Variants in USP10 observed in about 807,000 individuals in gnomAD.
The protein encoded by USP10 is ubiquitin specific peptidase 10.
In USP10, 22 loss-of-function variants were observed where a neutral mutation model predicts 84.5. The observed-to-expected ratio is 0.26, with a 90% confidence interval of 0.19 to 0.37. USP10 has a LOEUF of 0.37. USP10 is among the 10% of genes least tolerant of loss of function. USP10 has a pLI of 1.00. For synonymous variants in USP10, 454 were observed against 387.6 expected (o/e 1.17, Z -2.01); for missense variants, 1,019 against 998.9 (o/e 1.02, Z -0.27).
At chr16:84,727,317 A>G (rs1366420532) in intron 1 of USP10, among the ~76,000 whole-genome samples, 1 of 152,160 alleles carries the variant, frequency 6.6e-6, no homozygotes, top group Non-Finnish European at 1.5e-5. Flanking sequence ...ATTTTACCCA[A>G]ACACCTACAA....
chr16:84,779,720 T>C lies in USP10; in HGVS notation c.*638T>C, dbSNP rs1915371202. On this transcript the variant is annotated 3_prime_UTR_variant, in exon 14 of 14. Coordinates refer to ENST00000219473, the MANE Select transcript of USP10 (RefSeq NM_005153.3). ...ATGGGTGATTGTAACTTTATTGCCA[T>C]TAAAAGATTTCAAATTGCATTCATG... is the stretch of plus-strand genomic sequence containing the variant. 4 of 152,704 alleles carry C rather than the reference T, an allele frequency of 2.6e-5. No individual in the cohort carries two copies. The highest frequency in any genetic ancestry group is 2.6e-4 in the Admixed American group (4 of 15,286). The allele number at this position is 152,704 out of a possible 1,614,324, so 9.5% of individuals were successfully genotyped here.
intron 1 of USP10, among the ~76,000 whole-genome samples, chr16:84,724,942 T>C (rs1489122525): frequency 6.6e-6 from 1 of 152,228 alleles, no homozygotes; most frequent in Non-Finnish European, 1.5e-5. Flanking sequence ...CTAGCACCCA[T>C]AACTTACTGG....
chr16:84,724,862 G>A (rs1046269555), intron 1 of USP10, among the ~76,000 whole-genome samples: 2 of 152,180 alleles, frequency 1.3e-5, no homozygotes, highest in Non-Finnish European at 2.9e-5. Flanking sequence ...GTCATCTCCA[G>A]ATGTCCTCAG....
In USP10 at chr16:84,745,181, A is replaced by G; in HGVS notation, c.700A>G (p.Ser234Gly). 1.2e-6 allele frequency: 2 copies of G among 1,613,368 alleles called. No individual in the cohort carries two copies. The highest frequency in any genetic ancestry group is 1.7e-6 in the Non-Finnish European group (2 of 1,179,646). ...CAGTCCTTTCCCCGGAGCACTCGGC[A>G]GTGACACCAGGACTGCAGGGCAGCC... ...PDSPFPGALG[S>G]DTRTAGQPEG... The change falls in exon 4 of 14, where the codon AGT becomes GGT. Residue 234 changes from serine to glycine, a missense_variant. This residue lies in a region of USP10 where 787 missense variants were observed against 708.8 expected (regional missense o/e 1.11). Coordinates refer to ENST00000219473, the MANE Select transcript of USP10 (RefSeq NM_005153.3).
intron 4 of USP10, among the ~76,000 whole-genome samples, chr16:84,753,830 A>T (rs1026373995): frequency 6.6e-6 from 1 of 152,262 alleles, no homozygotes; most frequent in Non-Finnish European, 1.5e-5. Context: ...ACTGTATGCC[A>T]TGCACTGTCT....
chr16:84,732,154 T>G (rs1253541424), intron 1 of USP10, among the ~76,000 whole-genome samples: 3 of 152,222 alleles, frequency 2.0e-5, no homozygotes, highest in African/African-American at 7.2e-5. Flanking sequence ...AGGAGGGTAT[T>G]ACATTTAGTG....
At position 84,700,056 on chromosome 16, in the gene USP10, C is replaced by A; in HGVS notation, c.-35C>A. The A allele has an allele frequency of 7.3e-7, 1 of 1,364,696 alleles. No individual in the cohort carries two copies. The highest frequency in any genetic ancestry group is 9.6e-7 in the Non-Finnish European group (1 of 1,037,782). The allele number at this position is 1,364,696 out of a possible 1,614,324, so 84.5% of individuals were successfully genotyped here. On this transcript the variant is annotated 5_prime_UTR_variant, in exon 1 of 14. Transcript: ENST00000219473. ...CGGCGGGGGAAGCAGCGTGAGCAGC[C>A]GGAGGATCGCGGAGTCCCAATGAAA... is the stretch of plus-strand genomic sequence containing the variant.
intron 2 of USP10, among the ~76,000 whole-genome samples, chr16:84,736,660 G>T (rs375464582): frequency 7.9e-5 from 12 of 152,344 alleles, no homozygotes; most frequent in African/African-American, 2.9e-4. Context: ...AGCTTTGGAA[G>T]TAGCACACAT....
Position 84,758,780 on chromosome 16 carries a change from T to C in USP10, c.1257T>C (p.Asn419=). The C allele has an allele frequency of 6.2e-7, 1 of 1,613,766 alleles. No individual in the cohort carries two copies. Among genetic ancestry groups the C allele is most frequent in the Non-Finnish European group, 8.5e-7 (1 of 1,179,632 alleles). ...PVSLQPRGLI[N]KGNWCYINAT... ...CGTTGCAACCCCGTGGGCTGATCAA[T>C]AAAGGGAACTGGTGCTACATTAATG... Residue 419 remains asparagine, a synonymous_variant, in exon 5 of 14, where the codon AAT becomes AAC. Coordinates refer to ENST00000219473, the MANE Select transcript of USP10 (RefSeq NM_005153.3).
intron 13 of USP10, among the ~76,000 whole-genome samples, chr16:84,775,672 G>A (rs1173357175): frequency 6.6e-6 from 1 of 152,108 alleles, no homozygotes; most frequent in Non-Finnish European, 1.5e-5. Context: ...TGAGAGGGTG[G>A]GCCCGATTAC....
At chr16:84,725,634 C>T (rs1042296763) in intron 1 of USP10, among the ~76,000 whole-genome samples, 1 of 152,060 alleles carries the variant, frequency 6.6e-6, no homozygotes, top group African/African-American at 2.4e-5. Flanking sequence ...TGACTCCTGA[C>T]CTCAGGTGAT....
At chr16:84,740,901 A>G (rs545284313) in intron 3 of USP10, among the ~76,000 whole-genome samples, 1 of 152,352 alleles carries the variant, frequency 6.6e-6, no homozygotes, top group East Asian at 1.9e-4. Context: ...TGATTGCCAG[A>G]GATGGTGCTT....
chr16:84,756,733 G>A (rs1260270316), intron 4 of USP10, among the ~76,000 whole-genome samples: 1 of 152,192 alleles, frequency 6.6e-6, no homozygotes, highest in African/African-American at 2.4e-5. Flanking sequence ...GAGACACTAT[G>A]CCTTTACGTC....
intron 12 of USP10, 47 bp from the exon 13 acceptor site, chr16:84,775,113 T>C: frequency 6.4e-7 from 1 of 1,569,906 alleles, no homozygotes; most frequent in Non-Finnish European, 8.8e-7. Context: ...GCTGTTACCC[T>C]GAACCTTTCT....
intron 2 of USP10, 146 bp downstream of exon 2, chr16:84,733,649 A>C: frequency 1.9e-6 from 1 of 535,940 alleles, no homozygotes; most frequent in Non-Finnish European, 3.2e-6. Context: ...CCCACCAACT[A>C]GATTTGACTG....
intron 6 of USP10, 165 bp from the exon 7 acceptor site, chr16:84,759,725 CA>C: frequency 1.3e-6 from 1 of 749,184 alleles, no homozygotes; most frequent in Non-Finnish European, 2.2e-6. Flanking sequence ...TGAAATAGAC[CA>C]AAAATGCATA....
chr16:84,703,900 C>G (rs929055836), intron 1 of USP10, among the ~76,000 whole-genome samples: 1 of 152,224 alleles, frequency 6.6e-6, no homozygotes, highest in Non-Finnish European at 1.5e-5. Flanking sequence ...GCGGGCCTAC[C>G]ACATTCTAAA....
intron 1 of USP10, among the ~76,000 whole-genome samples, chr16:84,704,315 T>C (rs777104630): frequency 3.3e-5 from 5 of 152,222 alleles, no homozygotes; most frequent in Non-Finnish European, 7.3e-5. Flanking sequence ...GGGAAGAGCT[T>C]GCTTTTGAAT....
rs1907632005 is a variant in USP10 at position 84,720,433 on chromosome 16, G to A, written c.22-13002G>A. Among the ~76,000 whole-genome samples the A allele has an allele frequency of 3.3e-5, 5 of 152,128 alleles. No homozygotes were observed. In the South Asian group the frequency reaches 1.0e-3, roughly 32 times the overall value. On this transcript the variant is annotated intron_variant, in intron 1 of 13. Coordinates refer to ENST00000219473, the MANE Select transcript of USP10 (RefSeq NM_005153.3). ...GTAATTGTCTTTGTGTGGAGTTTGA[G>A]TACATGGTCCGAGAAGCTCGGCAGT...
Sources: gnomAD v4.1 joint callset for allele counts (sites outside exome capture counted in the v4.1 genomes callset) on GRCh38, gnomAD v4.1.1 for gene constraint, gnomAD v4.1.1 regional missense constraint, MANE v1.5 for transcripts, NCBI Gene and HGNC (gene_info 2026-07-23, HGNC 2026-07-21) for gene names.